ERBB4: variants seen among roughly 807,000 people sequenced by gnomAD.
ERBB4 encodes the protein receptor tyrosine-protein kinase erbB-4.
A neutral mutation model predicts 158.0 loss-of-function variants in ERBB4; 42 were observed. The observed-to-expected ratio is 0.27, with a 90% CI of 0.21 to 0.34. The LOEUF (loss-of-function observed/expected upper bound fraction) is 0.34. Ranked by LOEUF, ERBB4 falls within the 10% of genes least tolerant of loss-of-function variation. The pLI, the probability that ERBB4 is intolerant of heterozygous loss-of-function variation, is 1.00. For missense variants in ERBB4, 1,333 were observed against 1,624.1 expected, an observed-to-expected ratio of 0.82 and a Z score of 3.08; for synonymous variants, 583 against 558.7, an observed-to-expected ratio of 1.04 and a Z score of -0.61.
intron 3 of ERBB4, among the ~76,000 whole-genome samples, chr2:211,927,858 A>G (rs2080061907): frequency 6.6e-6 from 1 of 152,148 alleles, no homozygotes; most frequent in Admixed American, 6.6e-5. Context: ...CTTAATTAGC[A>G]TAGCAAATGG....
chr2:212,365,319 T>A (rs997648772), intron 1 of ERBB4, among the ~76,000 whole-genome samples: 1 of 151,780 alleles, frequency 6.6e-6, no homozygotes, highest in Non-Finnish European at 1.5e-5. Flanking sequence ...TTTACAGTTG[T>A]TTTGGAATAA....
intron 3 of ERBB4, among the ~76,000 whole-genome samples, chr2:211,909,740 G>A (rs973835811): frequency 6.6e-6 from 1 of 151,714 alleles, no homozygotes; most frequent in African/African-American, 2.4e-5. Context: ...ATGACTGTAT[G>A]TGTGTTTGTG....
chr2:211,839,647 T>C (rs762135314), intron 3 of ERBB4, among the ~76,000 whole-genome samples: 17 of 152,138 alleles, frequency 1.1e-4, no homozygotes, highest in Admixed American at 2.6e-4. Context: ...AAATATTCTA[T>C]AATCCAAATC....
intron 1 of ERBB4, among the ~76,000 whole-genome samples, chr2:212,436,245 C>T (rs2092133111): frequency 6.6e-6 from 1 of 151,892 alleles, no homozygotes; most frequent in Non-Finnish European, 1.5e-5. Context: ...TAAAACTGAA[C>T]TGAATCAATT....
chr2:212,337,607 C>G (rs72949545), intron 1 of ERBB4, among the ~76,000 whole-genome samples: 19,608 of 152,032 alleles, frequency 0.13, 1,777 homozygotes, highest in Non-Finnish European at 0.19. Context: ...AGAGGAGTCA[C>G]ATTCTGTATG....
chr2:212,111,215 G>A (rs16847732), intron 2 of ERBB4, among the ~76,000 whole-genome samples: 3,371 of 152,208 alleles, frequency 0.022, 136 homozygotes, highest in African/African-American at 0.077. Context: ...TATGCAGTTA[G>A]TTGTTAAGTC....
At chr2:212,095,474 G>A (rs899277998) in intron 2 of ERBB4, among the ~76,000 whole-genome samples, 4 of 152,166 alleles carry the variant, frequency 2.6e-5, no homozygotes, top group Admixed American at 6.5e-5. Flanking sequence ...TTGTATAAAT[G>A]TTTTGGAGTT....
Position 211,705,361 on chromosome 2 carries a change from G to T in ERBB4, c.1155C>A (p.Asp385Glu). 2 of 1,613,020 alleles carry T rather than the reference G, an allele frequency of 1.2e-6. No individual in the cohort carries two copies. The highest frequency in any genetic ancestry group is 1.7e-6 in the Non-Finnish European group (2 of 1,179,062). The change falls in exon 10 of 28, where the codon GAC becomes GAA. Residue 385 changes from aspartate to glutamate, a missense_variant. Physicochemically the swap from Asp to Glu is conservative, Grantham distance 45. Transcript: ENST00000342788. ...GDPYNAIEAI[D>E]PEKLNVFRTV... ...TCCGAAAGACGTTCAGTTTCTCTGG[G>T]TCTATGGCTTCAATTGCATTGTAAG...
At chr2:212,022,961 A>C (rs2076689568) in intron 2 of ERBB4, among the ~76,000 whole-genome samples, 1 of 152,162 alleles carries the variant, frequency 6.6e-6, no homozygotes, top group Non-Finnish European at 1.5e-5. Context: ...GGTGGTGGGA[A>C]AGGGCAGGTA....
At chr2:212,381,012 TG>T (rs1399620420) in intron 1 of ERBB4, among the ~76,000 whole-genome samples, 5 of 151,388 alleles carry the variant, frequency 3.3e-5, no homozygotes, top group Admixed American at 1.3e-4. Flanking sequence ...GTAAAATGAT[TG>T]TTTTTCCATA....
intron 5 of ERBB4, among the ~76,000 whole-genome samples, chr2:211,740,659 C>T (rs114973609): frequency 0.015 from 2,050 of 140,530 alleles, 42 homozygotes; most frequent in African/African-American, 0.052. Context: ...ACAGAGTCTC[C>T]CTCTGTCGCG....
At chr2:212,264,099 T>C (rs193205476) in intron 1 of ERBB4, among the ~76,000 whole-genome samples, 4 of 152,152 alleles carry the variant, frequency 2.6e-5, no homozygotes, top group Non-Finnish European at 4.4e-5. Flanking sequence ...TTATATCAAC[T>C]ACAATGTGGA....
chr2:211,745,163 T>C (rs1402287164), intron 5 of ERBB4, among the ~76,000 whole-genome samples: 1 of 152,186 alleles, frequency 6.6e-6, no homozygotes, highest in Non-Finnish European at 1.5e-5. Flanking sequence ...AGTGGAAATC[T>C]AGAGAAAGCC....
chr2:211,578,307 C>G (rs1214074637), intron 19 of ERBB4, among the ~76,000 whole-genome samples: 2 of 152,040 alleles, frequency 1.3e-5, no homozygotes, highest in African/African-American at 2.4e-5. Context: ...TCAGAGAGGA[C>G]ACAAACAAGT....
intron 20 of ERBB4, among the ~76,000 whole-genome samples, chr2:211,538,271 T>C (rs2066709189): frequency 1.3e-5 from 2 of 149,290 alleles, no homozygotes; most frequent in African/African-American, 5.1e-5. Flanking sequence ...TACCTTCCAG[T>C]GGCAGAGAAA....
chr2:212,138,836 T>C (rs1017339972), intron 1 of ERBB4, among the ~76,000 whole-genome samples: 11 of 152,312 alleles, frequency 7.2e-5, no homozygotes, highest in Non-Finnish European at 1.6e-4. Flanking sequence ...TAAGTCCCCA[T>C]TCTAAATTAC....
intron 4 of ERBB4, among the ~76,000 whole-genome samples, chr2:211,764,173 A>C (rs1417626893): frequency 6.6e-6 from 1 of 152,214 alleles, no homozygotes; most frequent in African/African-American, 2.4e-5. Context: ...AATATATTTT[A>C]AAAATCTGAT....
chr2:212,330,494 G>C (rs2088085381), intron 1 of ERBB4, among the ~76,000 whole-genome samples: 1 of 151,848 alleles, frequency 6.6e-6, no homozygotes, highest in Non-Finnish European at 1.5e-5. Context: ...GCGGGTGCTT[G>C]TAGTACCAGT....
chr2:212,288,888 A>G (rs912985098), intron 1 of ERBB4, among the ~76,000 whole-genome samples: 2 of 152,072 alleles, frequency 1.3e-5, no homozygotes, highest in Non-Finnish European at 2.9e-5. Flanking sequence ...TATCAAATGC[A>G]AGGACATTTT....
Sources: allele counts gnomAD v4.1 joint callset (sites outside exome capture counted in the v4.1 genomes callset), GRCh38; gene constraint gnomAD v4.1.1; transcripts MANE v1.5; gene names NCBI Gene and HGNC (gene_info 2026-07-23, HGNC 2026-07-21).